The following HIVEP1 variants were observed in gnomAD, a reference collection of about 807,000 sequenced individuals.
HIVEP1 encodes HIVEP zinc finger 1, also known as zinc finger protein 40.
In HIVEP1, 36 loss-of-function variants were observed where a neutral mutation model predicts 180.0. The ratio of observed to expected loss-of-function variants is 0.20; its 90% CI spans 0.15 to 0.26. HIVEP1 has a LOEUF of 0.26. Ranked by LOEUF, HIVEP1 falls within the 10% of genes least tolerant of loss-of-function variation. The pLI is 1.00. For missense variants in HIVEP1, 3,143 were observed against 3,268.7 expected (o/e 0.96, Z 0.94); for synonymous variants, 1,239 against 1,239.0 (o/e 1.00, Z 0.00).
At chr6:12,134,789 G>T (rs75850597) in intron 6 of HIVEP1, among the ~76,000 whole-genome samples, 320 of 152,234 alleles carry the variant, frequency 2.1e-3, no homozygotes, top group African/African-American at 7.2e-3. Flanking sequence ...CAGCTAGCAT[G>T]GTCATACTTA....
chr6:12,091,363 A>C (rs1335624934), intron 3 of HIVEP1, among the ~76,000 whole-genome samples: 1 of 152,116 alleles, frequency 6.6e-6, no homozygotes, highest in Non-Finnish European at 1.5e-5. Flanking sequence ...AATTATTTTT[A>C]AACACTGCTT....
At chr6:12,178,622 G>A in the HIVEP1 span, among the ~76,000 whole-genome samples, 1 of 152,158 alleles carries the variant, frequency 6.6e-6, no homozygotes, top group East Asian at 1.9e-4. Context: ...TGTAGAGGAA[G>A]CAGTGTCTTC....
the HIVEP1 span, among the ~76,000 whole-genome samples, chr6:12,205,580 G>C: frequency 6.6e-6 from 1 of 152,136 alleles, no homozygotes; most frequent in Non-Finnish European, 1.5e-5. Context: ...TTATGCCTCT[G>C]TTTCTTGCTA....
chr6:12,197,801 C>T, the HIVEP1 span, among the ~76,000 whole-genome samples: 57 of 152,110 alleles, frequency 3.7e-4, no homozygotes, highest in South Asian at 9.1e-3. Flanking sequence ...AGAGGAAGGA[C>T]GGACTGTTAA....
rs1445609176 is a variant in HIVEP1, at chr6:12,164,345, C to T, written c.8041C>T (p.Leu2681Phe). The part of the protein sequence containing the change: ...VFTKPSGQQT[L>F]SPDRQVPRPT... ...TACAAAGCCCTCAGGCCAGCAGACT[C>T]TCTCTCCAGACAGACAGGTTCCCAG... Residue 2681 changes from leucine to phenylalanine, a missense_variant, in exon 9 of 9, where the codon CTC becomes TTC. Around this residue, in one of 12 missense-constraint regions of HIVEP1, gnomAD observed 595 missense variants for 602.2 expected, o/e 0.99. Transcript: ENST00000379388. 5 of 1,614,092 alleles carry T rather than the reference C, an allele frequency of 3.1e-6. No individual in the cohort carries two copies. Among genetic ancestry groups the T allele is most frequent in the Non-Finnish European group, 4.2e-6 (5 of 1,180,018 alleles).
At chr6:12,087,775 T>C (rs997315099) in intron 2 of HIVEP1, among the ~76,000 whole-genome samples, 1 of 152,156 alleles carries the variant, frequency 6.6e-6, no homozygotes, top group Non-Finnish European at 1.5e-5. Flanking sequence ...ACTTCACTCA[T>C]CGTTTCATGA....
intron 3 of HIVEP1, among the ~76,000 whole-genome samples, chr6:12,110,558 T>C (rs1420084102): frequency 6.6e-6 from 1 of 152,250 alleles, no homozygotes; most frequent in Non-Finnish European, 1.5e-5. Flanking sequence ...TGTCAGCCTT[T>C]CTTCTGCAGC....
chr6:12,011,107 A>G (rs1353385781), upstream of HIVEP1, among the ~76,000 whole-genome samples: 1 of 152,162 alleles, frequency 6.6e-6, no homozygotes, highest in African/African-American at 2.4e-5. Flanking sequence ...TCCGCCACCA[A>G]AAAGTGGTTT....
At chr6:12,112,266 C>A (rs1028469064) in intron 3 of HIVEP1, among the ~76,000 whole-genome samples, 6 of 151,842 alleles carry the variant, frequency 4.0e-5, no homozygotes, top group African/African-American at 7.3e-5. Flanking sequence ...TAATTTTTAT[C>A]TTTTATTCTC....
intron 2 of HIVEP1, among the ~76,000 whole-genome samples, chr6:12,087,936 T>G (rs1409568256): frequency 6.6e-6 from 1 of 152,200 alleles, no homozygotes; most frequent in Non-Finnish European, 1.5e-5. Context: ...AATTTAGTTA[T>G]TTTTGACTAT....
chr6:12,033,569 A>G (rs142349038), intron 2 of HIVEP1, among the ~76,000 whole-genome samples: 2 of 152,284 alleles, frequency 1.3e-5, no homozygotes, highest in African/African-American at 4.8e-5. Flanking sequence ...AGAAGTGGTA[A>G]CTTTGGTTAC....
the HIVEP1 span, among the ~76,000 whole-genome samples, chr6:12,192,779 A>G: frequency 2.0e-5 from 3 of 152,116 alleles, no homozygotes; most frequent in African/African-American, 7.2e-5. Context: ...ACTCAGTCTC[A>G]GGTAGTTCTT....
chr6:12,133,515 C>A (rs189024178), intron 6 of HIVEP1, among the ~76,000 whole-genome samples: 1 of 152,104 alleles, frequency 6.6e-6, no homozygotes, highest in Non-Finnish European at 1.5e-5. Flanking sequence ...TATTGAAATG[C>A]AGATTTTTGT....
At chr6:12,166,314 T>A (rs1295538780), downstream of HIVEP1, among the ~76,000 whole-genome samples, 1 of 152,212 alleles carries the variant, frequency 6.6e-6, no homozygotes, top group Non-Finnish European at 1.5e-5. Context: ...TGAGGTTTTT[T>A]AGTTTCTATA....
the HIVEP1 span, among the ~76,000 whole-genome samples, chr6:12,197,552 C>CAAAA: frequency 4.0e-5 from 4 of 98,896 alleles, no homozygotes; most frequent in African/African-American, 1.7e-4. Flanking sequence ...GAGACTGTCT[C>CAAAA]AAAAAAAAAA....
At chr6:12,039,068 T>C (rs1183632583) in intron 2 of HIVEP1, 1 of 152,202 alleles carries the variant, frequency 6.6e-6, no homozygotes, top group African/African-American at 2.4e-5. Context: ...CCAAATTACT[T>C]ACCACTTTTT....
Position 12,062,052 on chromosome 6 carries a change from C to A in HIVEP1, c.41-27132C>A, listed in dbSNP as rs748663071. Among the ~76,000 whole-genome samples, 18 of 152,140 alleles carry A rather than the reference C, an allele frequency of 1.2e-4. 1 individual carries two copies. The highest frequency in any genetic ancestry group is 1.5e-5 in the Non-Finnish European group (1 of 67,982). On this transcript the variant is annotated intron_variant, in intron 2 of 8. Coordinates refer to ENST00000379388, the MANE Select transcript of HIVEP1 (RefSeq NM_002114.4). ...GTCATTGACTGCTTAATGCATATTA[C>A]AACTTATTTAAAGAATAACTAGTTG...
At position 12,121,758 on chromosome 6, in the gene HIVEP1, T is replaced by C. The variant is rs1408628498; in HGVS notation, c.1963T>C (p.Ser655Pro). The change falls in exon 4 of 9, where the codon TCC becomes CCC. Residue 655 changes from serine (S) to proline (P), a missense_variant. This residue lies in a region of HIVEP1 where 365 missense variants were observed against 344.4 expected (regional missense o/e 1.06). Transcript: ENST00000379388. This position sits in a 1 kb window ranked among gnomAD's most constrained non-coding sequence, Gnocchi z 5.3. The part of the protein sequence containing the change: ...QLQRQQATDY[S>P]QEQQGKLLSP... Reference sequence around the variant, plus strand: ...ACAAAGGCAGCAGGCTACCGATTACTCCCAAGAGCAGCAAGGAAAGCTCCT... The same window carrying C: ...ACAAAGGCAGCAGGCTACCGATTACCCCCAAGAGCAGCAAGGAAAGCTCCT... 6.2e-7 allele frequency: 1 copy of C among 1,614,116 alleles called. No individual in the cohort carries two copies. Among genetic ancestry groups the C allele is most frequent in the South Asian group, 1.1e-5 (1 of 91,080 alleles).
chr6:12,045,796 G>T (rs1401608107), intron 2 of HIVEP1, among the ~76,000 whole-genome samples: 1 of 152,208 alleles, frequency 6.6e-6, no homozygotes, highest in East Asian at 1.9e-4. Flanking sequence ...ATGTATGCCT[G>T]TTAAAATGTT....
Sources: gnomAD v4.1 joint callset for allele counts (sites outside exome capture counted in the v4.1 genomes callset) on GRCh38, gnomAD v4.1.1 for gene constraint, gnomAD v4.1.1 regional missense constraint, Gnocchi (gnomAD v3.1) non-coding constraint, MANE v1.5 for transcripts, NCBI Gene and HGNC (gene_info 2026-07-23, HGNC 2026-07-21) for gene names.